The following RGS6 variants were observed in gnomAD, a reference collection of about 807,000 sequenced individuals.
The protein encoded by RGS6 is regulator of G-protein signaling 6.
Under a neutral mutation model 78.5 loss-of-function variants are expected in RGS6, and 30 were observed. The observed-to-expected ratio is 0.38, with a 90% CI of 0.29 to 0.52. RGS6 has a LOEUF of 0.52. Ranked by LOEUF, RGS6 falls within the 20% of genes least tolerant of loss-of-function variation. The pLI is 0.85. For missense variants in RGS6, 495 were observed against 609.7 expected, an observed-to-expected ratio of 0.81 and a Z score of 1.98; for synonymous variants, 206 against 206.0, an observed-to-expected ratio of 1.00 and a Z score of 0.00.
At chr14:72,440,833 G>T (rs1352393094) in intron 3 of RGS6, among the ~76,000 whole-genome samples, 2 of 152,110 alleles carry the variant, frequency 1.3e-5, no homozygotes, top group East Asian at 1.9e-4. Flanking sequence ...CATATTACAG[G>T]AGCTATTAGG....
intron 3 of RGS6, among the ~76,000 whole-genome samples, chr14:72,442,146 CAG>C (rs978314957): frequency 1.6e-4 from 24 of 151,798 alleles, no homozygotes; most frequent in African/African-American, 3.1e-4. Flanking sequence ...TGGTGTCTGG[CAG>C]AGAGTCTGGT....
intron 1 of RGS6, among the ~76,000 whole-genome samples, chr14:71,939,292 T>A (rs530560565): frequency 6.6e-6 from 1 of 152,200 alleles, no homozygotes; most frequent in Non-Finnish European, 1.5e-5. Flanking sequence ...AGAAATTTTA[T>A]TGGGGTAGAA....
At chr14:72,257,648 A>C (rs1270223862) in intron 2 of RGS6, among the ~76,000 whole-genome samples, 1 of 152,186 alleles carries the variant, frequency 6.6e-6, no homozygotes. Flanking sequence ...ATCTAATATA[A>C]AATAACAAAG....
chr14:71,927,269 G>A, the RGS6 span, among the ~76,000 whole-genome samples: 1 of 152,180 alleles, frequency 6.6e-6, no homozygotes, highest in East Asian at 1.9e-4. Context: ...TTAAGCATGG[G>A]ACTTTGTAAA....
intron 1 of RGS6, among the ~76,000 whole-genome samples, chr14:71,946,361 T>C (rs1056797234): frequency 1.3e-5 from 2 of 152,070 alleles, no homozygotes; most frequent in Non-Finnish European, 1.5e-5. Context: ...ATTAATGGGG[T>C]TGCGGGGGCG....
intron 2 of RGS6, among the ~76,000 whole-genome samples, chr14:72,325,351 A>G (rs1056921906): frequency 3.3e-5 from 5 of 152,062 alleles, no homozygotes; most frequent in Admixed American, 2.6e-4. Context: ...GAAGCTCTTT[A>G]GTTTAATTAG....
intron 2 of RGS6, among the ~76,000 whole-genome samples, chr14:72,298,849 A>G (rs936401631): frequency 6.6e-6 from 1 of 152,020 alleles, no homozygotes; most frequent in African/African-American, 2.4e-5. Context: ...TTTGTGGAGG[A>G]TTTTACTATT....
At position 72,465,378 on chromosome 14, in the gene RGS6, T is replaced by G. The variant is rs545512539; in HGVS notation, c.395-380T>G. On this transcript the variant is annotated intron_variant, in intron 6 of 17. Transcript: ENST00000553525. ...AAGGGGAGTTGTCAGGATTGGAATA[T>G]GGAGGAGTCCTCATTTGATCATGAC... Among the ~76,000 whole-genome samples, 357 of 152,164 alleles carry G rather than the reference T, an allele frequency of 2.3e-3. 3 individuals carry two copies. The highest frequency in any genetic ancestry group is 8.2e-3 in the African/African-American group (342 of 41,468).
At chr14:72,227,471 GA>G (rs1161555190) in intron 2 of RGS6, among the ~76,000 whole-genome samples, 1 of 152,116 alleles carries the variant, frequency 6.6e-6, no homozygotes, top group Admixed American at 6.5e-5. Context: ...TTAAAATGAT[GA>G]AAAAATTGAA....
intron 3 of RGS6, among the ~76,000 whole-genome samples, chr14:72,387,332 C>G (rs960412107): frequency 2.6e-5 from 4 of 151,986 alleles, no homozygotes; most frequent in Non-Finnish European, 4.4e-5. Context: ...GGCGGATCAC[C>G]AGGTCAGGAG....
intron 3 of RGS6, among the ~76,000 whole-genome samples, chr14:72,417,912 G>A (rs1177924799): frequency 1.3e-5 from 2 of 152,136 alleles, no homozygotes; most frequent in African/African-American, 4.8e-5. Context: ...TTTTGATCAA[G>A]AGAGCTCAGG....
rs114226918 is a variant in RGS6, at chr14:72,093,643, G to A, written c.84+128768G>A. ...ATGTTTTAATCTGCATTGCTCTAAT[G>A]TATCTAGTTTCTAAGTCAGACTCTG... On this transcript the variant is annotated intron_variant, in intron 2 of 17. Transcript: ENST00000553525. Among the ~76,000 whole-genome samples, 686 of 152,188 alleles carry A rather than the reference G, an allele frequency of 4.5e-3. 1 individual carries two copies. The highest frequency in any genetic ancestry group is 0.016 in the African/African-American group (651 of 41,514).
intron 2 of RGS6, among the ~76,000 whole-genome samples, chr14:72,286,420 T>C (rs980358390): frequency 6.6e-6 from 1 of 152,220 alleles, no homozygotes; most frequent in Non-Finnish European, 1.5e-5. Flanking sequence ...AGGTTCGTTA[T>C]ATATTTTGAA....
intron 2 of RGS6, among the ~76,000 whole-genome samples, chr14:72,276,294 C>G (rs1402932239): frequency 6.6e-6 from 1 of 152,170 alleles, no homozygotes; most frequent in Non-Finnish European, 1.5e-5. Flanking sequence ...AGGAGAGGGT[C>G]TACAGCATGT....
At chr14:72,224,950 C>T (rs1372347205) in intron 2 of RGS6, among the ~76,000 whole-genome samples, 1 of 152,146 alleles carries the variant, frequency 6.6e-6, no homozygotes, top group Non-Finnish European at 1.5e-5. Flanking sequence ...GAGGCCTCGA[C>T]TCACACCTTT....
chr14:72,359,748 AT>A (rs1340641515), intron 3 of RGS6, among the ~76,000 whole-genome samples: 1 of 152,194 alleles, frequency 6.6e-6, no homozygotes, highest in African/African-American at 2.4e-5. Flanking sequence ...TTGGACACCA[AT>A]TTTTCTAGAA....
the RGS6 span, among the ~76,000 whole-genome samples, chr14:72,571,796 AG>A: frequency 1.4e-5 from 2 of 146,518 alleles, no homozygotes; most frequent in Admixed American, 6.7e-5. Context: ...AAACAACAAA[AG>A]AAAAAAATAG....
chr14:71,934,403 C>T (rs915452309), intron 1 of RGS6, among the ~76,000 whole-genome samples: 7 of 152,146 alleles, frequency 4.6e-5, no homozygotes, highest in African/African-American at 1.7e-4. Context: ...GGAGAGAGGC[C>T]ACCAGTGTTT....
chr14:72,364,313 A>G (rs1209290271), intron 3 of RGS6, among the ~76,000 whole-genome samples: 2 of 152,178 alleles, frequency 1.3e-5, no homozygotes, highest in African/African-American at 4.8e-5. Context: ...TTACATAGAG[A>G]AAAAACCCAG....
Sources: gnomAD v4.1 joint callset for allele counts (sites outside exome capture counted in the v4.1 genomes callset) on GRCh38, gnomAD v4.1.1 for gene constraint, MANE v1.5 for transcripts, NCBI Gene and HGNC (gene_info 2026-07-23, HGNC 2026-07-21) for gene names.